The following OR2L13 variants were observed in gnomAD, a reference collection of about 807,000 sequenced individuals.
OR2L13 encodes the protein olfactory receptor 2L13.
OR2L13 carries 14 observed loss-of-function variants against 15.3 expected under a neutral mutation model. That is an observed-to-expected ratio of 0.91 (90% CI 0.60 to 1.43). The LOEUF (loss-of-function observed/expected upper bound fraction) is 1.43, where lower values mean the gene tolerates loss of function less well. Among genes scored for constraint, OR2L13 ranks in the 40% most tolerant of loss-of-function variants. The pLI is 0.00. For synonymous variants in OR2L13, 152 were observed against 142.9 expected (o/e 1.06, Z -0.45); for missense variants, 367 against 387.9 (o/e 0.95, Z 0.45).
chr1:247,970,840 A>G, the OR2L13 span, among the ~76,000 whole-genome samples: 2 of 152,130 alleles, frequency 1.3e-5, no homozygotes, highest in Admixed American at 6.5e-5. Context: ...ACATGGAGCT[A>G]TTTTATCACT....
At chr1:248,006,804 G>A in the OR2L13 span, among the ~76,000 whole-genome samples, 1 of 152,048 alleles carries the variant, frequency 6.6e-6, no homozygotes, top group Non-Finnish European at 1.5e-5. Context: ...TACCAACTAT[G>A]GTGTCATACA....
chr1:248,087,243 A>G, the OR2L13 span, among the ~76,000 whole-genome samples: 1 of 152,186 alleles, frequency 6.6e-6, no homozygotes, highest in African/African-American at 2.4e-5. Context: ...ATTTGACCTA[A>G]TTAACTGCTT....
chr1:248,010,292 G>T, the OR2L13 span, among the ~76,000 whole-genome samples: 5,786 of 152,040 alleles, frequency 0.038, 136 homozygotes, highest in African/African-American at 0.056. Context: ...AAAATCTTCT[G>T]TTTGTTATGA....
chr1:247,940,952 A>G, the OR2L13 span, among the ~76,000 whole-genome samples: 1 of 151,982 alleles, frequency 6.6e-6, no homozygotes, highest in Non-Finnish European at 1.5e-5. Flanking sequence ...TGTGACTTGT[A>G]TGAAATGGTG....
chr1:248,022,391 G>A, the OR2L13 span: 3 of 1,614,156 alleles, frequency 1.9e-6, no homozygotes, highest in Non-Finnish European at 2.5e-6. Context: ...CAGGATCTTG[G>A]ATGATAGGCT....
chr1:247,938,318 A>T, the OR2L13 span, among the ~76,000 whole-genome samples: 1 of 152,206 alleles, frequency 6.6e-6, no homozygotes, highest in Non-Finnish European at 1.5e-5. Flanking sequence ...TGTTAATATT[A>T]GATGCATCAG....
At chr1:247,940,152 A>C in the OR2L13 span, among the ~76,000 whole-genome samples, 2 of 152,176 alleles carry the variant, frequency 1.3e-5, no homozygotes, top group Non-Finnish European at 2.9e-5. Context: ...ACACATACTT[A>C]CATACATTGA....
At chr1:247,967,693 C>G in the OR2L13 span, among the ~76,000 whole-genome samples, 1 of 151,974 alleles carries the variant, frequency 6.6e-6, no homozygotes, top group Non-Finnish European at 1.5e-5. Context: ...TTTCCTCCCC[C>G]CTTACTTCAT....
the OR2L13 span, among the ~76,000 whole-genome samples, chr1:248,077,032 T>C: frequency 4.2e-3 from 634 of 152,322 alleles, 3 homozygotes; most frequent in Non-Finnish European, 7.4e-3. Context: ...ACCTAGTTTA[T>C]TGAGAGTGTT....
At chr1:247,962,940 T>TA in the OR2L13 span, among the ~76,000 whole-genome samples, 1 of 152,142 alleles carries the variant, frequency 6.6e-6, no homozygotes, top group Non-Finnish European at 1.5e-5. Flanking sequence ...CAATACACAA[T>TA]AAATTGAAGA....
the OR2L13 span, chr1:248,039,752 CA>C: frequency 1.3e-5 from 2 of 151,952 alleles, no homozygotes; most frequent in Non-Finnish European, 2.9e-5. Context: ...AAAAATAAGA[CA>C]AAAATAACAA....
At chr1:248,026,440 T>C in the OR2L13 span, among the ~76,000 whole-genome samples, 2 of 152,202 alleles carry the variant, frequency 1.3e-5, no homozygotes, top group African/African-American at 4.8e-5. Context: ...TTCACGTTGG[T>C]TCTCTCAAGC....
chr1:247,998,356 A>C, the OR2L13 span, among the ~76,000 whole-genome samples: 3 of 152,162 alleles, frequency 2.0e-5, no homozygotes, highest in Non-Finnish European at 4.4e-5. Context: ...ATGCTTTTAT[A>C]GGATCCAGTG....
the OR2L13 span, among the ~76,000 whole-genome samples, chr1:247,952,654 TTAAGA>T: frequency 6.6e-6 from 1 of 152,130 alleles, no homozygotes; most frequent in Non-Finnish European, 1.5e-5. Flanking sequence ...TTACCACAGT[TTAAGA>T]TATTTTTTCA....
the OR2L13 span, among the ~76,000 whole-genome samples, chr1:247,953,932 C>CT: frequency 0.8 from 120,046 of 150,958 alleles, 51,883 homozygotes; most frequent in Non-Finnish European, 0.95. Context: ...GCCAGTGTCT[C>CT]TTTTTTTTTC....
At chr1:248,035,788 C>A in the OR2L13 span, among the ~76,000 whole-genome samples, 2,624 of 152,146 alleles carry the variant, frequency 0.017, 83 homozygotes, top group African/African-American at 0.06. Flanking sequence ...AACATCACTA[C>A]CCCCACACTC....
chr1:247,965,337 C>T, the OR2L13 span: 1 of 1,555,472 alleles, frequency 6.4e-7, no homozygotes, highest in Non-Finnish European at 8.7e-7. Flanking sequence ...ATTACATGAA[C>T]ATTTCAGATG....
chr1:247,971,017 C>T, the OR2L13 span, among the ~76,000 whole-genome samples: 116,826 of 151,944 alleles, frequency 0.77, 50,067 homozygotes, highest in South Asian at 0.97. Flanking sequence ...TATATAGATA[C>T]GGTAATTTTC....
At chr1:248,100,044 T>C (rs753210976) in exon 3 of OR2L13, 1 of 1,614,176 alleles carries the variant, frequency 6.2e-7, no homozygotes, top group Non-Finnish European at 8.5e-7. Flanking sequence ...TCCTATTTGC[T>C]GTCTATCATA....
Sources: gnomAD v4.1 joint callset for allele counts (sites outside exome capture counted in the v4.1 genomes callset) on GRCh38, gnomAD v4.1.1 for gene constraint, MANE v1.5 for transcripts, NCBI Gene and HGNC (gene_info 2026-07-23, HGNC 2026-07-21) for gene names.